The following GPD2 variants were observed in gnomAD, a reference collection of about 807,000 sequenced individuals.
GPD2 encodes glycerol-3-phosphate dehydrogenase, mitochondrial.
GPD2 carries 54 observed loss-of-function variants against 82.4 expected under a neutral mutation model. That is an observed-to-expected ratio of 0.66 (90% CI 0.53 to 0.82). The LOEUF (loss-of-function observed/expected upper bound fraction) is 0.82. Ranked by LOEUF, GPD2 falls within the 40% of genes least tolerant of loss-of-function variation. The pLI is 0.00. For synonymous variants in GPD2, 288 were observed against 306.1 expected, an observed-to-expected ratio of 0.94 and a Z score of 0.62; for missense variants, 748 against 896.2, an observed-to-expected ratio of 0.83 and a Z score of 2.11.
chr2:156,428,058 A>C, the GPD2 span, among the ~76,000 whole-genome samples: 1 of 152,198 alleles, frequency 6.6e-6, no homozygotes, highest in Non-Finnish European at 1.5e-5. Flanking sequence ...CCATTTCAGG[A>C]TACTTAATCA....
rs112686185 is a variant in GPD2, at chr2:156,480,442, T to C, written c.102+4235T>C. ...CCCAACGGCACTGTTTAACACTTTT[T>C]TTTTTAAGTTAACATTTATTTCATA... On this transcript the variant is annotated intron_variant, in intron 2 of 16. Coordinates refer to ENST00000438166, the MANE Select transcript of GPD2 (RefSeq NM_000408.5). 1.7e-3 allele frequency among the ~76,000 whole-genome samples: 261 copies of C among 152,324 alleles called. 1 individual carries two copies. Among genetic ancestry groups the C allele is most frequent in the African/African-American group, 5.7e-3 (238 of 41,570 alleles).
At chr2:156,416,639 A>G in the GPD2 span, among the ~76,000 whole-genome samples, 1 of 151,300 alleles carries the variant, frequency 6.6e-6, no homozygotes, top group Non-Finnish European at 1.5e-5. Flanking sequence ...CTAGGATTAT[A>G]GGTGTGAGCT....
upstream of GPD2, among the ~76,000 whole-genome samples, chr2:156,433,578 G>C (rs1033958673): frequency 2.0e-5 from 3 of 152,164 alleles, no homozygotes; most frequent in African/African-American, 7.2e-5. Flanking sequence ...AGTCTGATTT[G>C]AGTAATAATA....
the GPD2 span, among the ~76,000 whole-genome samples, chr2:156,402,990 G>A: frequency 2.3e-4 from 35 of 151,572 alleles, no homozygotes; most frequent in African/African-American, 8.5e-4. Flanking sequence ...AGGGAGCAGG[G>A]CAATAAAAAT....
intron 3 of GPD2, among the ~76,000 whole-genome samples, chr2:156,507,425 C>T (rs912493292): frequency 2.6e-5 from 4 of 151,828 alleles, no homozygotes; most frequent in Non-Finnish European, 4.4e-5. Flanking sequence ...GGGCTCAAGC[C>T]GATTCTCCCA....
intron 1 of GPD2, among the ~76,000 whole-genome samples, chr2:156,457,758 A>G (rs1274116484): frequency 6.6e-6 from 1 of 152,268 alleles, no homozygotes; most frequent in African/African-American, 2.4e-5. Flanking sequence ...ATAGTCTTCT[A>G]TATCCCAATT....
the GPD2 span, among the ~76,000 whole-genome samples, chr2:156,422,324 GA>G: frequency 5.3e-5 from 8 of 152,140 alleles, no homozygotes; most frequent in Admixed American, 5.2e-4. Context: ...ACTGGACAAG[GA>G]AACAAAGATA....
Position 156,523,676 on chromosome 2 carries a change from A to AGATG in GPD2, c.661+10183_661+10184insGGAT, listed in dbSNP as rs1280682419. ...TTCAACAATAATTTCTTTTCTAGAT[A>AGATG]GATAGATAGATAGATAGATAGATAG... On this transcript the variant is annotated intron_variant, in intron 6 of 16. Coordinates refer to ENST00000438166, the MANE Select transcript of GPD2 (RefSeq NM_000408.5). 4.0e-4 allele frequency among the ~76,000 whole-genome samples: 54 copies of AGATG among 135,400 alleles called. 1 individual carries two copies. In the South Asian group the frequency reaches 4.5e-3, roughly 11 times the overall value. 88.8% of individuals were successfully genotyped at this position (135,400 alleles called of 152,430 possible). A position where few individuals can be genotyped will look rare whatever the true frequency, so the allele number is the denominator to read the frequency against.
At chr2:156,532,514 A>C (rs112707563) in intron 6 of GPD2, among the ~76,000 whole-genome samples, 5 of 152,318 alleles carry the variant, frequency 3.3e-5, no homozygotes, top group African/African-American at 1.2e-4. Context: ...CTTTTTGAAC[A>C]ATAGGTTTCA....
intron 1 of GPD2, among the ~76,000 whole-genome samples, chr2:156,467,159 T>G (rs1467694260): frequency 6.6e-6 from 1 of 152,214 alleles, no homozygotes; most frequent in Non-Finnish European, 1.5e-5. Context: ...AATTGTTTAC[T>G]TTCTCTTGGG....
intron 6 of GPD2, among the ~76,000 whole-genome samples, chr2:156,518,545 C>G (rs571397273): frequency 6.6e-6 from 1 of 152,152 alleles, no homozygotes; most frequent in Non-Finnish European, 1.5e-5. Flanking sequence ...CTCCTCTAGG[C>G]ATGCACCTGC....
chr2:156,424,830 T>C, the GPD2 span, among the ~76,000 whole-genome samples: 1 of 152,252 alleles, frequency 6.6e-6, no homozygotes. Flanking sequence ...AAAAGCTTTG[T>C]AGAAGTTACC....
intron 6 of GPD2, among the ~76,000 whole-genome samples, chr2:156,549,345 C>G (rs1686664579): frequency 6.6e-6 from 1 of 152,170 alleles, no homozygotes; most frequent in Non-Finnish European, 1.5e-5. Flanking sequence ...TCTTAACTTT[C>G]AGATAATTGA....
intron 6 of GPD2, among the ~76,000 whole-genome samples, chr2:156,516,725 G>A (rs1445317209): frequency 1.3e-5 from 2 of 152,234 alleles, no homozygotes; most frequent in Admixed American, 1.3e-4. Flanking sequence ...AATTATAGGC[G>A]TGAGCCACTG....
the GPD2 span, among the ~76,000 whole-genome samples, chr2:156,423,651 T>C: frequency 6.6e-6 from 1 of 152,230 alleles, no homozygotes; most frequent in African/African-American, 2.4e-5. Flanking sequence ...TATCTTTGTA[T>C]TTTTAGGGCT....
chr2:156,464,189 C>A (rs543913661), intron 1 of GPD2, among the ~76,000 whole-genome samples: 107 of 152,224 alleles, frequency 7.0e-4, no homozygotes, highest in African/African-American at 2.4e-3. Flanking sequence ...ATTGTTTTCA[C>A]TTACTTTAAA....
intron 3 of GPD2, among the ~76,000 whole-genome samples, chr2:156,501,607 G>A (rs1166643865): frequency 1.3e-5 from 2 of 152,140 alleles, no homozygotes; most frequent in Non-Finnish European, 2.9e-5. Flanking sequence ...GAGAATTATG[G>A]TCTCCACCCA....
chr2:156,508,873 G>A (rs1328421979), intron 3 of GPD2, among the ~76,000 whole-genome samples: 5 of 152,118 alleles, frequency 3.3e-5, no homozygotes, highest in East Asian at 1.9e-4. Flanking sequence ...ACCTTCTAAC[G>A]TGGAGTATGA....
intron 1 of GPD2, among the ~76,000 whole-genome samples, chr2:156,470,644 T>A (rs1683297262): frequency 6.6e-6 from 1 of 152,168 alleles, no homozygotes; most frequent in African/African-American, 2.4e-5. Context: ...TGGAATAAAT[T>A]TGCTTGTGCA....
Sources: allele counts gnomAD v4.1 joint callset (sites outside exome capture counted in the v4.1 genomes callset), GRCh38; gene constraint gnomAD v4.1.1; transcripts MANE v1.5; gene names NCBI Gene and HGNC (gene_info 2026-07-23, HGNC 2026-07-21).